ARHGEF26: variants seen among roughly 807,000 people sequenced by gnomAD.
ARHGEF26 encodes the protein Rho guanine nucleotide exchange factor 26.
ARHGEF26 carries 59 observed loss-of-function variants against 89.4 expected under a neutral mutation model. The ratio of observed to expected loss-of-function variants is 0.66; its 90% CI spans 0.54 to 0.82. The LOEUF (loss-of-function observed/expected upper bound fraction) is 0.82, where lower values mean the gene tolerates loss of function less well. ARHGEF26 is among the 40% of genes least tolerant of loss of function. The pLI, the probability that ARHGEF26 is intolerant of heterozygous loss-of-function variation, is 0.00. For missense variants in ARHGEF26, 1,234 were observed against 1,085.6 expected (o/e 1.14, Z -1.92); for synonymous variants, 500 against 428.4 (o/e 1.17, Z -2.06).
intron 6 of ARHGEF26, among the ~76,000 whole-genome samples, chr3:154,162,733 C>T (rs554804011): frequency 6.6e-6 from 1 of 152,006 alleles, no homozygotes; most frequent in Admixed American, 6.6e-5. Flanking sequence ...GGAAGGGTGT[C>T]CTGTCCAGGG....
chr3:154,203,042 A>AG (rs1481141643), intron 9 of ARHGEF26, among the ~76,000 whole-genome samples: 7 of 152,162 alleles, frequency 4.6e-5, no homozygotes, highest in Non-Finnish European at 1.0e-4. Context: ...TATATTGAAT[A>AG]GGAGTGGGGA....
chr3:154,250,972 GA>G (rs1718111959), intron 12 of ARHGEF26, among the ~76,000 whole-genome samples: 2 of 152,144 alleles, frequency 1.3e-5, no homozygotes, highest in Admixed American at 6.5e-5. Flanking sequence ...TAGAGAGAGA[GA>G]GAGAGAGAGA....
intron 9 of ARHGEF26, among the ~76,000 whole-genome samples, chr3:154,215,999 T>A (rs1269941641): frequency 1.3e-5 from 2 of 152,178 alleles, no homozygotes; most frequent in Non-Finnish European, 2.9e-5. Context: ...TGTGTATTTA[T>A]ATGTTCATAT....
In ARHGEF26 at chr3:154,129,615, G is replaced by A; in HGVS notation, c.1165G>A (p.Asp389Asn). The change falls in exon 4 of 15, where the codon GAC becomes AAC. Residue 389 changes from aspartate (D) to asparagine (N), a missense_variant. By Grantham distance (23) the Asp-to-Asn change is conservative (BLOSUM62 1). Transcript: ENST00000465093. ...TCAAAACTACAAGGAAAAGGCCCTTGACATTGATTCTGATGAAGAGTCAGA... is the reference window on the plus strand; with the variant it reads ...TCAAAACTACAAGGAAAAGGCCCTTAACATTGATTCTGATGAAGAGTCAGA... ...LYQNYKEKAL[D>N]IDSDEESEPK... The A allele has an allele frequency of 1.2e-6, 2 of 1,611,810 alleles. No individual in the cohort carries two copies. The highest frequency in any genetic ancestry group is 1.7e-6 in the Non-Finnish European group (2 of 1,178,904).
chr3:154,155,277 A>T (rs2108104955), intron 6 of ARHGEF26, among the ~76,000 whole-genome samples: 1 of 152,182 alleles, frequency 6.6e-6, no homozygotes, highest in Non-Finnish European at 1.5e-5. Context: ...ACAATTTAAA[A>T]TTTGAGATAA....
At chr3:154,161,767 G>T (rs1409862628) in intron 6 of ARHGEF26, among the ~76,000 whole-genome samples, 1 of 152,104 alleles carries the variant, frequency 6.6e-6, no homozygotes, top group Non-Finnish European at 1.5e-5. Flanking sequence ...TAATCATAAA[G>T]AATTAATTGT....
In ARHGEF26 at chr3:154,232,560, CAT is replaced by C. The variant is rs547475401; in HGVS notation, c.2090+6554_2090+6555del. ...TTGGTCCACTTGTGCATTTGCAAAACATATAATTATCAGGCTTTTAACAAAAT... is the reference window on the plus strand; with the variant it reads ...TTGGTCCACTTGTGCATTTGCAAAACATAATTATCAGGCTTTTAACAAAAT... On this transcript the variant is annotated intron_variant, in intron 11 of 14. Transcript: ENST00000465093. Among the ~76,000 whole-genome samples the C allele has an allele frequency of 3.2e-4, 49 of 152,208 alleles. 1 individual carries two copies. The South Asian group carries it at 9.3e-3, about 29-fold the overall frequency.
At chr3:154,142,216 T>G (rs1719426011) in intron 4 of ARHGEF26, among the ~76,000 whole-genome samples, 1 of 151,354 alleles carries the variant, frequency 6.6e-6, no homozygotes, top group Non-Finnish European at 1.5e-5. Context: ...AATAAAACTT[T>G]TTCTTTTTTT....
At chr3:154,253,885 T>G (rs1718315781) in intron 13 of ARHGEF26, among the ~76,000 whole-genome samples, 2 of 152,182 alleles carry the variant, frequency 1.3e-5, no homozygotes, top group African/African-American at 4.8e-5. Context: ...GTTTGAAAGT[T>G]CCCGGAAATC....
At chr3:154,139,035 T>A (rs1358148941) in intron 4 of ARHGEF26, among the ~76,000 whole-genome samples, 2 of 152,090 alleles carry the variant, frequency 1.3e-5, no homozygotes, top group East Asian at 3.9e-4. Context: ...GGAGAGCAGG[T>A]GTCAGAGGAG....
chr3:154,210,693 G>C (rs1715307475), intron 9 of ARHGEF26, among the ~76,000 whole-genome samples: 1 of 150,540 alleles, frequency 6.6e-6, no homozygotes, highest in Non-Finnish European at 1.5e-5. Context: ...TGTAATCCCA[G>C]CACATTGAGA....
At chr3:154,239,297 AGAGTGT>A (rs1198466908) in intron 11 of ARHGEF26, among the ~76,000 whole-genome samples, 3 of 53,020 alleles carry the variant, frequency 5.7e-5, no homozygotes, top group South Asian at 9.8e-4. Flanking sequence ...AGAGAGAGAG[AGAGTGT>A]GTGTGTGTGT....
intron 12 of ARHGEF26, among the ~76,000 whole-genome samples, chr3:154,250,276 C>A (rs1718050597): frequency 6.6e-6 from 1 of 152,132 alleles, no homozygotes; most frequent in Non-Finnish European, 1.5e-5. Context: ...TGATCCCTGC[C>A]TCGGCCTCCA....
rs775191832 is a variant in ARHGEF26 at position 154,122,191 on chromosome 3, C to T, written c.199C>T (p.Gln67Ter). The change falls in exon 2 of 15, where the codon CAG becomes TAG. Residue 67 changes from glutamine (Q) to a stop codon, truncating the protein, a stop_gained. Transcript: ENST00000465093. LOFTEE classifies it high-confidence loss of function. ...GCTCCTCGCAGCGCAGATTCCCGCC[C>T]AGGTGCCCACCGCCTCGGACAGCAG... ...GTLLAAQIPA[Q>*]VPTASDSRTV... 1 of 1,601,688 alleles carries T rather than the reference C, an allele frequency of 6.2e-7. No homozygotes were observed. Among genetic ancestry groups the T allele is most frequent in the Non-Finnish European group, 8.5e-7 (1 of 1,174,498 alleles).
chr3:154,135,159 A>G (rs1718924540), intron 4 of ARHGEF26, among the ~76,000 whole-genome samples: 1 of 152,038 alleles, frequency 6.6e-6, no homozygotes, highest in Admixed American at 6.5e-5. Flanking sequence ...GAATGGTACC[A>G]GTTCTTTTTA....
chr3:154,223,082 T>C (rs1716240353), intron 10 of ARHGEF26, among the ~76,000 whole-genome samples: 1 of 152,182 alleles, frequency 6.6e-6, no homozygotes. Flanking sequence ...AGAATTTTGT[T>C]TTTTTGTCTT....
At chr3:154,145,765 C>A (rs945234116) in intron 4 of ARHGEF26, among the ~76,000 whole-genome samples, 2 of 152,170 alleles carry the variant, frequency 1.3e-5, no homozygotes, top group African/African-American at 4.8e-5. Context: ...TCTTGGTTCT[C>A]TCCACAGATG....
chr3:154,200,813 T>G (rs1714581086), intron 9 of ARHGEF26, among the ~76,000 whole-genome samples: 1 of 151,972 alleles, frequency 6.6e-6, no homozygotes, highest in Non-Finnish European at 1.5e-5. Flanking sequence ...TTTCACTTCT[T>G]TGGTTAATTC....
Position 154,254,811 on chromosome 3 carries a change from AC to A in ARHGEF26, c.2461del (p.Arg821ValfsTer28). 6.2e-7 allele frequency: 1 copy of A among 1,613,572 alleles called. No homozygotes were observed. The highest frequency in any genetic ancestry group is 8.5e-7 in the Non-Finnish European group (1 of 1,179,714). On this transcript the variant is annotated frameshift_variant, in exon 14 of 15. Transcript: ENST00000465093. LOFTEE classifies it high-confidence loss of function. ...TGGCTGACGTCGTCCTCATCTATCA[AC>A]GTGTCAGCGATGGTGAGTGGGAGCG... ...QVADVVLIYQ[R>X]VSDGWYEGER...
Sources: allele counts gnomAD v4.1 joint callset (sites outside exome capture counted in the v4.1 genomes callset), GRCh38; gene constraint gnomAD v4.1.1; transcripts MANE v1.5; gene names NCBI Gene and HGNC (gene_info 2026-07-23, HGNC 2026-07-21).